Variants in PHRF1 observed in about 807,000 individuals in gnomAD.
PHRF1 encodes PHD and ring finger domains 1.
PHRF1 carries 53 observed loss-of-function variants against 128.9 expected under a neutral mutation model. The ratio of observed to expected loss-of-function variants is 0.41; its 90% confidence interval spans 0.33 to 0.52. The LOEUF (loss-of-function observed/expected upper bound fraction) is 0.52, where lower values mean the gene tolerates loss of function less well. Ranked by LOEUF, PHRF1 falls within the 20% of genes least tolerant of loss-of-function variation. The probability of loss-of-function intolerance (pLI) is 0.21; values close to 1 mark genes in which losing one functional copy is unlikely to be tolerated. For missense variants in PHRF1, 2,503 were observed against 2,284.5 expected (o/e 1.10, Z -1.95); for synonymous variants, 1,178 against 980.6 (o/e 1.20, Z -3.76).
At chr11:589,578 G>C (rs571022712) in intron 4 of PHRF1, among the ~76,000 whole-genome samples, 2 of 91,292 alleles carry the variant, frequency 2.2e-5, no homozygotes, top group African/African-American at 6.1e-5. Context: ...CACACTCGGG[G>C]GGGCAGGAGG....
At chr11:595,956 A>G (rs898490769) in intron 6 of PHRF1, among the ~76,000 whole-genome samples, 2 of 152,154 alleles carry the variant, frequency 1.3e-5, no homozygotes, top group Non-Finnish European at 2.9e-5. Context: ...CTCTTCCTGC[A>G]TGCCTGTCTC....
At chr11:594,480 C>T (rs193209531) in intron 6 of PHRF1, among the ~76,000 whole-genome samples, 158 of 152,286 alleles carry the variant, frequency 1.0e-3, no homozygotes, top group Middle Eastern at 0.01. Flanking sequence ...AGTGCAGTGG[C>T]GCCATCTTGG....
At position 607,112 on chromosome 11, in the gene PHRF1, A is replaced by G; in HGVS notation, c.1656A>G (p.Glu552=). ...ACTCAGGCAGTCTGTCCAGAGGGGA[A>G]GAAGGATTCAAGGGCTGCCTGCAGC... ...QRNSGSLSRG[E]EGFKGCLQPR... is the part of the protein sequence containing the mutation. Residue 552 remains glutamate (E), a synonymous_variant, in exon 14 of 18, where the codon GAA becomes GAG. Transcript: ENST00000264555. The G allele has an allele frequency of 6.2e-7, 1 of 1,609,060 alleles. No individual in the cohort carries two copies. The highest frequency in any genetic ancestry group is 2.2e-5 in the East Asian group (1 of 44,768).
rs1856005425 is a variant in PHRF1 at position 607,238 on chromosome 11, C to T, written c.1782C>T (p.Arg594=). 6 of 1,612,314 alleles carry T rather than the reference C, an allele frequency of 3.7e-6. No individual in the cohort carries two copies. The highest frequency in any genetic ancestry group is 5.1e-6 in the Non-Finnish European group (6 of 1,179,768). Residue 594 remains arginine, a synonymous_variant, in exon 14 of 18, where the codon CGC becomes CGT. Coordinates refer to ENST00000264555, the MANE Select transcript of PHRF1 (RefSeq NM_001286581.2). ...AAGGCAGGTCCCGCACCCCCGCCCG[C>T]ACCGCGGGGGCGCCTGTGAGGCTGG... The part of the protein sequence containing the change: ...SCQGRSRTPA[R]TAGAPVRLDL...
rs755892428 is a variant in PHRF1, at chr11:611,010, C to T, written c.4734C>T (p.Ile1578=). 6 of 1,613,520 alleles carry T rather than the reference C, an allele frequency of 3.7e-6. No homozygotes were observed. In the South Asian group the frequency reaches 5.5e-5, roughly 15 times the overall value. The part of the protein sequence containing the change: ...ERAVEEVKLA[I]KPFYQKREVT... ...CTGTGGAGGAGGTGAAGCTGGCCAT[C>T]AAGCCCTTCTACCAGAAGAGGGAGG... is the stretch of plus-strand genomic sequence containing the variant. Residue 1578 remains isoleucine (I), a synonymous_variant, in exon 17 of 18, where the codon ATC becomes ATT. Transcript: ENST00000264555.
intron 11 of PHRF1, 35 bp downstream of exon 11, chr11:605,335 C>G: frequency 6.2e-7 from 1 of 1,602,826 alleles, no homozygotes; most frequent in South Asian, 1.1e-5. Context: ...CCTGGGCACC[C>G]GCTCCTCTCC....
intron 9 of PHRF1, among the ~76,000 whole-genome samples, chr11:599,786 T>G (rs966017031): frequency 1.3e-5 from 2 of 151,498 alleles, no homozygotes; most frequent in Non-Finnish European, 2.9e-5. Context: ...TCCAGAGGAC[T>G]CGGCGTCTGT....
chr11:584,806 C>T (rs978580364), intron 3 of PHRF1, among the ~76,000 whole-genome samples: 2 of 143,134 alleles, frequency 1.4e-5, no homozygotes, highest in African/African-American at 5.2e-5. Flanking sequence ...GGCGCAATCT[C>T]GGCTCACTGC....
chr11:600,160 A>G (rs1589886994), intron 9 of PHRF1, among the ~76,000 whole-genome samples: 1 of 151,560 alleles, frequency 6.6e-6, no homozygotes, highest in East Asian at 1.9e-4. Flanking sequence ...ACTATGTAAG[A>G]TATCTAATGG....
intron 6 of PHRF1, 104 bp from the exon 7 acceptor site, chr11:596,819 G>C (rs1855306823): frequency 1.1e-6 from 1 of 940,078 alleles, no homozygotes; most frequent in African/African-American, 1.6e-5. Flanking sequence ...ATGCATCGCA[G>C]ACTTGGGTGC....
chr11:599,955 A>G (rs1855532560), intron 9 of PHRF1, among the ~76,000 whole-genome samples: 1 of 152,122 alleles, frequency 6.6e-6, no homozygotes, highest in Non-Finnish European at 1.5e-5. Flanking sequence ...ATTCCATTGT[A>G]TGAATATACC....
At chr11:609,822 A>T in intron 14 of PHRF1, 102 bp downstream of exon 14, 1 of 663,370 alleles carries the variant, frequency 1.5e-6, no homozygotes, top group Non-Finnish European at 2.2e-6. Flanking sequence ...CCCGGCCTCC[A>T]CCGAGGACAG....
chr11:605,251 G>A lies in PHRF1; in HGVS notation c.1285G>A (p.Ala429Thr). The A allele has an allele frequency of 6.2e-7, 1 of 1,613,676 alleles. No individual in the cohort carries two copies. The highest frequency in any genetic ancestry group is 8.5e-7 in the Non-Finnish European group (1 of 1,179,878). The change falls in exon 11 of 18, where the codon GCC becomes ACC. Residue 429 changes from alanine (A) to threonine (T), a missense_variant. Ala to Thr is a moderately conservative substitution (Grantham distance 58, BLOSUM62 0). Transcript: ENST00000264555. ...GCTGCTGAGAGCGGATATTGGAGCTGCCTCTCTGTCTCTGTTTGGAGATCC... is the reference window on the plus strand; with the variant it reads ...GCTGCTGAGAGCGGATATTGGAGCTACCTCTCTGTCTCTGTTTGGAGATCC... ...LGLLRADIGAASLSLFGDPYE... is the reference protein window; with the variant it reads ...LGLLRADIGATSLSLFGDPYE...
In PHRF1 at chr11:605,351, G is replaced by A. The variant is rs536277504; in HGVS notation, c.1334+51G>A. 3.1e-6 allele frequency: 5 copies of A among 1,596,966 alleles called. No individual in the cohort carries two copies. The East Asian group carries it at 9.0e-5, about 29-fold the overall frequency. On this transcript the variant is annotated intron_variant, in intron 11 of 17. Transcript: ENST00000264555. ...CTGGGCACCCGCTCCTCTCCCTGGG[G>A]GCTGTGGGCACGGGGCCCCGAGGTG...
Position 609,175 on chromosome 11 carries a change from T to C in PHRF1, c.3719T>C (p.Leu1240Pro). The C allele has an allele frequency of 6.2e-7, 1 of 1,606,662 alleles. No homozygotes were observed. Residue 1240 changes from leucine to proline, a missense_variant, in exon 14 of 18, where the codon CTG (leucine) becomes CCG (proline). By Grantham distance (98) the Leu-to-Pro change is moderately conservative. Transcript: ENST00000264555. ...GTGGCTACGGCCGACAAGGCCCCCCTGCAGGCTCCCCCTGTCCTGGAGGTG... is the reference window on the plus strand; with the variant it reads ...GTGGCTACGGCCGACAAGGCCCCCCCGCAGGCTCCCCCTGTCCTGGAGGTG... ...PEVATADKAP[L>P]QAPPVLEVAA...
intron 5 of PHRF1, among the ~76,000 whole-genome samples, 178 bp downstream of exon 5, chr11:591,645 G>C (rs1403212963): frequency 1.3e-5 from 2 of 152,200 alleles, no homozygotes; most frequent in Non-Finnish European, 2.9e-5. Context: ...TTTGGGGTCT[G>C]GGTTGGGGGT....
At chr11:581,186 T>G (rs1488097448) in intron 1 of PHRF1, among the ~76,000 whole-genome samples, 1 of 152,092 alleles carries the variant, frequency 6.6e-6, no homozygotes, top group Non-Finnish European at 1.5e-5. Context: ...GATCTGGCTT[T>G]ATGGGTAGCT....
In PHRF1 at chr11:606,516, T is replaced by C; in HGVS notation, c.1529T>C (p.Leu510Pro). The C allele has an allele frequency of 1.9e-6, 3 of 1,609,484 alleles. No homozygotes were observed. The highest frequency in any genetic ancestry group is 2.5e-6 in the Non-Finnish European group (3 of 1,179,508). The change falls in exon 13 of 18, where the codon CTG becomes CCG. Residue 510 changes from leucine to proline, a missense_variant. Physicochemically the swap from Leu to Pro is moderately conservative, Grantham distance 98. Transcript: ENST00000264555. ...EPVPDLLGSI[L>P]SGQSLLMLGS... is the part of the protein sequence containing the mutation. The stretch of plus-strand genomic sequence containing the variant: ...GTGCCTGACCTGCTGGGCAGCATCC[T>C]GTCGGGCCAGAGCCTCCTGATGCTG...
rs1854966761 is a variant in PHRF1, at chr11:591,445, TTGG to T, written c.487_489del (p.Gly163del). On this transcript the variant is annotated inframe_deletion, in exon 5 of 18. Transcript: ENST00000264555. ...AAGTGCATTTGTATTCGAGCTCAAT[TTGG>T]TGGTAAAATCTTAAGAAAGGTGAGT... is the stretch of plus-strand genomic sequence containing the variant. 1 of 1,609,236 alleles carries T rather than the reference TTGG, an allele frequency of 6.2e-7. No individual in the cohort carries two copies. The highest frequency in any genetic ancestry group is 8.5e-7 in the Non-Finnish European group (1 of 1,178,082).
Sources: allele counts gnomAD v4.1 joint callset (sites outside exome capture counted in the v4.1 genomes callset), GRCh38; gene constraint gnomAD v4.1.1; transcripts MANE v1.5; gene names NCBI Gene and HGNC (gene_info 2026-07-23, HGNC 2026-07-21).